Variants in DLGAP1 observed in about 807,000 individuals in gnomAD.
DLGAP1 encodes disks large-associated protein 1.
Under a neutral mutation model 90.8 loss-of-function variants are expected in DLGAP1, and 11 were observed. The ratio of observed to expected loss-of-function variants is 0.12; its 90% CI spans 0.08 to 0.20. The LOEUF (loss-of-function observed/expected upper bound fraction) is 0.20, where lower values mean the gene tolerates loss of function less well. DLGAP1 is among the 10% of genes least tolerant of loss of function. The pLI is 1.00. For synonymous variants in DLGAP1, 558 were observed against 540.7 expected (o/e 1.03, Z -0.44); for missense variants, 1,050 against 1,333.8 (o/e 0.79, Z 3.31).
intron 2 of DLGAP1, among the ~76,000 whole-genome samples, chr18:4,074,352 G>T (rs1414380098): frequency 6.6e-6 from 1 of 152,036 alleles, no homozygotes; most frequent in Non-Finnish European, 1.5e-5. Flanking sequence ...GGGCTTGAAG[G>T]AGTGCAGCAA....
chr18:4,281,940 T>C (rs2079561504), intron 1 of DLGAP1, among the ~76,000 whole-genome samples: 1 of 152,238 alleles, frequency 6.6e-6, no homozygotes, highest in Admixed American at 6.5e-5. Flanking sequence ...GGGTAGTCTA[T>C]AATGAATTCT....
chr18:3,750,555 T>TG (rs2063456467), intron 5 of DLGAP1, among the ~76,000 whole-genome samples: 1 of 152,204 alleles, frequency 6.6e-6, no homozygotes, highest in African/African-American at 2.4e-5. Flanking sequence ...CAGCACTTCT[T>TG]GGTCTACTGC....
intron 4 of DLGAP1, among the ~76,000 whole-genome samples, chr18:3,869,730 C>T (rs777756464): frequency 7.2e-5 from 11 of 152,114 alleles, no homozygotes; most frequent in Admixed American, 1.3e-4. Flanking sequence ...ACATGCTAAT[C>T]CCAATGCCAG....
chr18:4,182,305 C>CA (rs1424213836), intron 1 of DLGAP1, among the ~76,000 whole-genome samples: 1 of 152,008 alleles, frequency 6.6e-6, no homozygotes, highest in Non-Finnish European at 1.5e-5. Context: ...TTTACAAAGA[C>CA]AAAAGCTATT....
In DLGAP1 at chr18:3,776,189, T is replaced by C. The variant is rs1598703438; in HGVS notation, c.1173-33677A>G. ...TGAGTAACAGATCGTGTGCACTGAA[T>C]GGAAAACAGCATTCAGAAAGGGACT... On this transcript the variant is annotated intron_variant, in intron 5 of 12. Coordinates refer to ENST00000315677, the MANE Select transcript of DLGAP1 (RefSeq NM_004746.4). Among the ~76,000 whole-genome samples, 3 of 152,164 alleles carry C rather than the reference T, an allele frequency of 2.0e-5. No individual in the cohort carries two copies. The South Asian group carries it at 6.2e-4, about 32-fold the overall frequency.
At chr18:4,203,217 G>T (rs780150952) in intron 1 of DLGAP1, among the ~76,000 whole-genome samples, 2 of 150,758 alleles carry the variant, frequency 1.3e-5, no homozygotes, top group Non-Finnish European at 2.9e-5. Context: ...GGAGGTTGCA[G>T]TGAGATGAGA....
At chr18:4,197,316 G>A (rs16946220) in intron 1 of DLGAP1, among the ~76,000 whole-genome samples, 8,498 of 151,806 alleles carry the variant, frequency 0.056, 568 homozygotes, top group East Asian at 0.2. Context: ...GAATCTGATC[G>A]AGAAGAAGGC....
At chr18:3,612,395 T>C (rs2057678657) in intron 7 of DLGAP1, among the ~76,000 whole-genome samples, 2 of 152,212 alleles carry the variant, frequency 1.3e-5, no homozygotes, top group South Asian at 2.1e-4. Context: ...GTAAATGGCA[T>C]ACAGTAACAA....
At chr18:4,145,203 T>C (rs1297222103) in intron 2 of DLGAP1, among the ~76,000 whole-genome samples, 1 of 152,202 alleles carries the variant, frequency 6.6e-6, no homozygotes, top group African/African-American at 2.4e-5. Flanking sequence ...ATGATTATCA[T>C]CCTGATAGTG....
At chr18:3,894,771 TC>T (rs1179381517) in intron 3 of DLGAP1, 2 of 152,184 alleles carry the variant, frequency 1.3e-5, no homozygotes, top group Non-Finnish European at 2.9e-5. Context: ...TCTGTGTCAT[TC>T]CCAGTTTAGC....
At chr18:4,099,105 T>C (rs1302412866) in intron 2 of DLGAP1, among the ~76,000 whole-genome samples, 2 of 152,222 alleles carry the variant, frequency 1.3e-5, no homozygotes, top group Non-Finnish European at 2.9e-5. Context: ...AACTATCTTC[T>C]AGTTTTGTTG....
In DLGAP1 at chr18:4,172,216, A is replaced by T. The variant is rs1022406; in HGVS notation, c.-266-20929T>A. ...CTGTAAAAGTACAGCAGAAAACTGCATTTTTGGAGAATGAACCATAAATAG... is the reference window on the plus strand; with the variant it reads ...CTGTAAAAGTACAGCAGAAAACTGCTTTTTTGGAGAATGAACCATAAATAG... On this transcript the variant is annotated intron_variant, in intron 1 of 12. Coordinates refer to ENST00000315677, the MANE Select transcript of DLGAP1 (RefSeq NM_004746.4). Among the ~76,000 whole-genome samples the T allele has an allele frequency of 2.3e-3, 349 of 152,320 alleles. 4 individuals are homozygous for T. Among genetic ancestry groups the T allele is most frequent in the African/African-American group, 6.8e-3 (283 of 41,580 alleles).
chr18:4,419,360 C>A, intron 1 of DLGAP1, among the ~76,000 whole-genome samples: 1 of 152,028 alleles, frequency 6.6e-6, no homozygotes, highest in African/African-American at 2.4e-5. Flanking sequence ...CAAACCATAT[C>A]ATAATAACAA....
At chr18:4,413,623 C>T (rs2082830111) in intron 1 of DLGAP1, among the ~76,000 whole-genome samples, 1 of 152,172 alleles carries the variant, frequency 6.6e-6, no homozygotes, top group African/African-American at 2.4e-5. Flanking sequence ...AGAAACCAAA[C>T]ACAAAAGGAC....
rs184913195 is a variant in DLGAP1 at position 4,282,200 on chromosome 18, T to A, written c.-266-130913A>T. On this transcript the variant is annotated intron_variant, in intron 1 of 12. Coordinates refer to ENST00000315677, the MANE Select transcript of DLGAP1 (RefSeq NM_004746.4). ...TAACACGGTGAAACTCCGTCTCTAC[T>A]AAAAATACAAAAAATTAGCCAGGCA... Among the ~76,000 whole-genome samples, 996 of 151,844 alleles carry A rather than the reference T, an allele frequency of 6.6e-3. 7 individuals carry two copies. The highest frequency in any genetic ancestry group is 0.022 in the African/African-American group (904 of 41,374).
chr18:4,054,749 A>C (rs2075187857), intron 2 of DLGAP1, among the ~76,000 whole-genome samples: 1 of 152,212 alleles, frequency 6.6e-6, no homozygotes, highest in Admixed American at 6.5e-5. Context: ...AAGGTGGTTA[A>C]GTTTTTAGCC....
intron 3 of DLGAP1, among the ~76,000 whole-genome samples, chr18:3,985,568 T>C (rs549765305): frequency 6.6e-6 from 1 of 152,140 alleles, no homozygotes; most frequent in East Asian, 1.9e-4. Flanking sequence ...TCTATAAGTG[T>C]TCTCTGTTCA....
At chr18:4,259,552 TTA>T (rs1280279612) in intron 1 of DLGAP1, among the ~76,000 whole-genome samples, 6 of 152,152 alleles carry the variant, frequency 3.9e-5, no homozygotes, top group African/African-American at 1.2e-4. Context: ...GTGGCGAGGC[TTA>T]GTTTCTGGGT....
At chr18:3,963,278 C>G (rs925088284) in intron 3 of DLGAP1, among the ~76,000 whole-genome samples, 2 of 13,472 alleles carry the variant, frequency 1.5e-4, no homozygotes, top group Non-Finnish European at 5.1e-4. Context: ...CATTGCCCCC[C>G]TCACCCCCCA....
Sources: allele counts gnomAD v4.1 joint callset (sites outside exome capture counted in the v4.1 genomes callset), GRCh38; gene constraint gnomAD v4.1.1; transcripts MANE v1.5; gene names NCBI Gene and HGNC (gene_info 2026-07-23, HGNC 2026-07-21).